The following ORC3 variants were observed in gnomAD, a reference collection of about 807,000 sequenced individuals.
ORC3 encodes the protein origin recognition complex subunit 3.
In ORC3, 78 loss-of-function variants were observed where a neutral mutation model predicts 100.7. The ratio of observed to expected loss-of-function variants is 0.77; its 90% CI spans 0.65 to 0.94. ORC3 has a LOEUF of 0.94. ORC3 is among the 40% of genes least tolerant of loss of function. ORC3 has a pLI of 0.00. For synonymous variants in ORC3, 295 were observed against 289.3 expected (o/e 1.02, Z -0.20); for missense variants, 789 against 823.9 (o/e 0.96, Z 0.52).
intron 2 of ORC3, among the ~76,000 whole-genome samples, chr6:87,597,792 G>T (rs1349362087): frequency 6.6e-6 from 1 of 151,606 alleles, no homozygotes; most frequent in Non-Finnish European, 1.5e-5. Context: ...GAGTTCAAGT[G>T]ATCCTCCCAC....
chr6:87,665,539 C>T (rs1770525858), intron 18 of ORC3, among the ~76,000 whole-genome samples: 1 of 152,122 alleles, frequency 6.6e-6, no homozygotes, highest in African/African-American at 2.4e-5. Context: ...TCTCTGCATA[C>T]TCTTAGTTCT....
intron 18 of ORC3, among the ~76,000 whole-genome samples, chr6:87,665,214 C>T (rs1268319095): frequency 6.6e-6 from 1 of 152,138 alleles, no homozygotes; most frequent in Non-Finnish European, 1.5e-5. Flanking sequence ...TATTAACTAG[C>T]ATTTCTCTTC....
rs1337628428 is a variant in ORC3 at position 87,606,015 on chromosome 6, T to G, written c.421T>G (p.Cys141Gly). ...PYVVSLQAKD[C>G]PDMKHFLQKL... Reference sequence around the variant, plus strand: ...TGTAGTCTCATTGCAAGCTAAAGATTGTCCAGGTAAAAATATAAATGCCAT... The same window carrying G: ...TGTAGTCTCATTGCAAGCTAAAGATGGTCCAGGTAAAAATATAAATGCCAT... The change falls in exon 5 of 20, where the codon TGT becomes GGT. Residue 141 changes from cysteine to glycine, a missense_variant. This residue lies in a region of ORC3 where 399 missense variants were observed against 382.0 expected (regional missense o/e 1.04). Coordinates refer to ENST00000392844, the MANE Select transcript of ORC3 (RefSeq NM_012381.4). 1.3e-6 allele frequency: 2 copies of G among 1,499,468 alleles called. No individual in the cohort carries two copies. Among genetic ancestry groups the G allele is most frequent in the Admixed American group, 3.8e-5 (2 of 52,530 alleles). 92.9% of individuals were successfully genotyped at this position (1,499,468 alleles called of 1,614,324 possible). A position where few individuals can be genotyped will look rare whatever the true frequency, so the allele number is the denominator to read the frequency against.
At chr6:87,648,559 G>T (rs992733067) in intron 13 of ORC3, among the ~76,000 whole-genome samples, 11 of 152,096 alleles carry the variant, frequency 7.2e-5, no homozygotes, top group Non-Finnish European at 1.6e-4. Context: ...GAACTGTCTA[G>T]GTTCAAACCC....
intron 2 of ORC3, among the ~76,000 whole-genome samples, chr6:87,601,213 A>T (rs771238739): frequency 4.6e-4 from 70 of 152,340 alleles, no homozygotes; most frequent in Admixed American, 6.5e-4. Context: ...CACTTAATAA[A>T]AACTGTTAGA....
rs1410037045 is a variant in ORC3 at position 87,590,206 on chromosome 6, G to A, written c.24+14G>A. 6.2e-7 allele frequency: 1 copy of A among 1,612,742 alleles called. No individual in the cohort carries two copies. The highest frequency in any genetic ancestry group is 8.5e-7 in the Non-Finnish European group (1 of 1,178,812). ...TCGATGTCTAAGGTATGTGGTGGCC[G>A]ATGCGCACTGTGGCTCTACCGCTGC... On this transcript the variant is annotated intron_variant, in intron 1 of 19. Transcript: ENST00000392844.
chr6:87,590,235 A>G, intron 1 of ORC3, 43 bp downstream of exon 1: 1 of 1,602,590 alleles, frequency 6.2e-7, no homozygotes, highest in Non-Finnish European at 8.6e-7. Context: ...CCGCTGCCTC[A>G]TTCCCCTTTG....
At chr6:87,642,419 C>T (rs1287792747) in intron 13 of ORC3, among the ~76,000 whole-genome samples, 2 of 151,284 alleles carry the variant, frequency 1.3e-5, no homozygotes, top group African/African-American at 2.4e-5. Flanking sequence ...GGTGAAACCC[C>T]GTCTCTACTA....
At chr6:87,632,994 A>C (rs1481113063) in intron 11 of ORC3, among the ~76,000 whole-genome samples, 1 of 152,190 alleles carries the variant, frequency 6.6e-6, no homozygotes, top group Non-Finnish European at 1.5e-5. Flanking sequence ...CTCATCGAAC[A>C]CTTATTCCAG....
intron 13 of ORC3, among the ~76,000 whole-genome samples, chr6:87,645,391 T>A (rs1216181373): frequency 6.6e-6 from 1 of 152,220 alleles, no homozygotes; most frequent in African/African-American, 2.4e-5. Context: ...ATACTTTTGG[T>A]TTCTGTTTCA....
the ORC3 span, among the ~76,000 whole-genome samples, chr6:87,676,644 G>A: frequency 1.4e-5 from 2 of 139,624 alleles, no homozygotes; most frequent in Admixed American, 1.4e-4. Flanking sequence ...GCTGGGCATG[G>A]TGGCACACAC....
intron 9 of ORC3, among the ~76,000 whole-genome samples, chr6:87,618,877 G>A (rs1779347688): frequency 6.6e-6 from 1 of 152,056 alleles, no homozygotes; most frequent in African/African-American, 2.4e-5. Flanking sequence ...TTTATTAACT[G>A]TACATGTTAA....
intron 13 of ORC3, among the ~76,000 whole-genome samples, chr6:87,642,624 C>T (rs554171145): frequency 1.3e-4 from 19 of 151,556 alleles, no homozygotes; most frequent in Non-Finnish European, 2.4e-4. Flanking sequence ...AATAAATGGC[C>T]GGGTGTGGTG....
Position 87,625,130 on chromosome 6 carries a change from A to G in ORC3, c.1185+3117A>G, listed in dbSNP as rs151228555. ...TTTGGGTTGGTTCCAAGTCTTTGCTATTGTGAATAGTGCCGCAATAAACAC... is the reference window on the plus strand; with the variant it reads ...TTTGGGTTGGTTCCAAGTCTTTGCTGTTGTGAATAGTGCCGCAATAAACAC... On this transcript the variant is annotated intron_variant, in intron 11 of 19. Transcript: ENST00000392844. 5.4e-3 allele frequency among the ~76,000 whole-genome samples: 824 copies of G among 152,234 alleles called. 11 individuals carry two copies. Among genetic ancestry groups the G allele is most frequent in the African/African-American group, 0.019 (796 of 41,526 alleles).
chr6:87,676,447 CAAAAAAAAAAAAA>C, the ORC3 span, among the ~76,000 whole-genome samples: 3 of 41,908 alleles, frequency 7.2e-5, no homozygotes, highest in South Asian at 1.2e-3. Flanking sequence ...GCCTGGGCAA[CAAAAAAAAAAAAA>C]AAAAAAAAAA....
chr6:87,597,628 G>A (rs1477574285), intron 2 of ORC3, among the ~76,000 whole-genome samples: 6 of 150,548 alleles, frequency 4.0e-5, no homozygotes, highest in African/African-American at 9.8e-5. Flanking sequence ...GAAATAAATG[G>A]ATAACTTGAA....
chr6:87,625,033 T>G (rs1208907745), intron 11 of ORC3, among the ~76,000 whole-genome samples: 2 of 152,234 alleles, frequency 1.3e-5, no homozygotes, highest in Non-Finnish European at 2.9e-5. Flanking sequence ...CTCATCCTTT[T>G]TTTATGGCTG....
chr6:87,638,550 T>G (rs1767992761), intron 13 of ORC3, among the ~76,000 whole-genome samples: 1 of 152,230 alleles, frequency 6.6e-6, no homozygotes, highest in Non-Finnish European at 1.5e-5. Flanking sequence ...TAAATTATTT[T>G]TCAAGAAAAA....
intron 13 of ORC3, among the ~76,000 whole-genome samples, chr6:87,644,240 C>T (rs1768553257): frequency 6.7e-6 from 1 of 149,590 alleles, no homozygotes; most frequent in Non-Finnish European, 1.5e-5. Flanking sequence ...CTACAGGCGC[C>T]CGCCACTACG....
Sources: gnomAD v4.1 joint callset for allele counts (sites outside exome capture counted in the v4.1 genomes callset) on GRCh38, gnomAD v4.1.1 for gene constraint, gnomAD v4.1.1 regional missense constraint, MANE v1.5 for transcripts, NCBI Gene and HGNC (gene_info 2026-07-23, HGNC 2026-07-21) for gene names.